PLAG1: variants seen among roughly 807,000 people sequenced by gnomAD.
PLAG1 encodes the protein PLAG1 zinc finger, also known as zinc finger protein PLAG1.
In PLAG1, 7 loss-of-function variants were observed where a neutral mutation model predicts 35.5. The ratio of observed to expected loss-of-function variants is 0.20; its 90% CI spans 0.11 to 0.37. The LOEUF (loss-of-function observed/expected upper bound fraction) is 0.37. PLAG1 is among the 10% of genes least tolerant of loss of function. The pLI is 1.00. For missense variants in PLAG1, 454 were observed against 602.8 expected, an observed-to-expected ratio of 0.75 and a Z score of 2.58; for synonymous variants, 229 against 225.4, an observed-to-expected ratio of 1.02 and a Z score of -0.14.
chr8:56,174,500 A>T (rs1008195435), intron 2 of PLAG1, among the ~76,000 whole-genome samples: 1 of 152,252 alleles, frequency 6.6e-6, no homozygotes, highest in African/African-American at 2.4e-5. Context: ...ATAAAAACCT[A>T]AGAATGAAAA....
intron 1 of PLAG1, among the ~76,000 whole-genome samples, chr8:56,198,327 A>G (rs1812443675): frequency 6.6e-6 from 1 of 152,172 alleles, no homozygotes; most frequent in South Asian, 2.1e-4. Context: ...GCAGGCACAG[A>G]GGGGTCACCA....
At chr8:56,175,811 T>A (rs1006007112) in intron 2 of PLAG1, among the ~76,000 whole-genome samples, 7 of 152,100 alleles carry the variant, frequency 4.6e-5, no homozygotes, top group African/African-American at 7.2e-5. Flanking sequence ...CAAAGTGGAA[T>A]CAGAAAACCC....
rs1310674614 is a variant in PLAG1 at position 56,162,981 on chromosome 8, T to C, written c.*3262A>G. On this transcript the variant is annotated 3_prime_UTR_variant, in exon 5 of 5. Transcript: ENST00000316981. ...CAGGACAATTGAAGTTTTAAAAAAC[T>C]GAACTTGGTAATAGGATTTTAAAAT... The C allele has an allele frequency of 4.7e-6, 1 of 211,198 alleles. No homozygotes were observed. The highest frequency in any genetic ancestry group is 9.6e-6 in the Non-Finnish European group (1 of 103,924). 13.1% of individuals were successfully genotyped at this position (211,198 alleles called of 1,614,324 possible).
chr8:56,182,062 G>GGT (rs1811885163), intron 1 of PLAG1, among the ~76,000 whole-genome samples: 3 of 152,190 alleles, frequency 2.0e-5, no homozygotes, highest in South Asian at 4.1e-4. Context: ...ATGCTGTACG[G>GGT]ATTCAGATGA....
At chr8:56,182,418 T>C (rs1052460186) in intron 1 of PLAG1, among the ~76,000 whole-genome samples, 2 of 152,154 alleles carry the variant, frequency 1.3e-5, no homozygotes, top group Non-Finnish European at 2.9e-5. Flanking sequence ...ATCACCTCTA[T>C]GAGGCAAAAT....
At chr8:56,185,240 C>T (rs1394034871) in intron 1 of PLAG1, among the ~76,000 whole-genome samples, 1 of 152,078 alleles carries the variant, frequency 6.6e-6, no homozygotes, top group Non-Finnish European at 1.5e-5. Context: ...CACAAAAGGC[C>T]ATGAGCAAAC....
chr8:56,207,536 G>A (rs1035857040), intron 1 of PLAG1, among the ~76,000 whole-genome samples: 26 of 152,006 alleles, frequency 1.7e-4, no homozygotes, highest in African/African-American at 5.5e-4. Flanking sequence ...ATAATATACA[G>A]ATATAGAATG....
chr8:56,203,850 A>G (rs1812627382), intron 1 of PLAG1, among the ~76,000 whole-genome samples: 2 of 152,052 alleles, frequency 1.3e-5, no homozygotes, highest in Non-Finnish European at 2.9e-5. Context: ...AATTTATACA[A>G]TTAAATTACC....
At chr8:56,198,581 G>A (rs1448946201) in intron 1 of PLAG1, among the ~76,000 whole-genome samples, 1 of 152,200 alleles carries the variant, frequency 6.6e-6, no homozygotes, top group Non-Finnish European at 1.5e-5. Flanking sequence ...ATGGCTTTCT[G>A]CCCGGTCCCC....
rs1044606559 is a variant in PLAG1, at chr8:56,188,305, C to T, written c.-321-8792G>A. ...GCAGGGAGGGGACAGGGATCTGATA[C>T]GGGAAAAAAAATGAATACTCAACTA... On this transcript the variant is annotated intron_variant, in intron 1 of 4. Transcript: ENST00000316981. Among the ~76,000 whole-genome samples, 5 of 152,030 alleles carry T rather than the reference C, an allele frequency of 3.3e-5. No individual in the cohort carries two copies. In the East Asian group the frequency reaches 5.8e-4, roughly 18 times the overall value.
At chr8:56,178,110 G>T in intron 2 of PLAG1, 1 of 490,510 alleles carries the variant, frequency 2.0e-6, no homozygotes, top group Non-Finnish European at 2.6e-6. Context: ...TTTAGAAATA[G>T]CCAGTGAAGT....
At position 56,166,441 on chromosome 8, in the gene PLAG1, T is replaced by G. The variant is rs780686291; in HGVS notation, c.1305A>C (p.Leu435=). 1.4e-5 allele frequency: 23 copies of G among 1,612,680 alleles called. No individual in the cohort carries two copies. Among genetic ancestry groups the G allele is most frequent in the Non-Finnish European group, 1.6e-5 (19 of 1,179,392 alleles). The change falls in exon 5 of 5, where the codon CTA becomes CTC. Residue 435 remains leucine (L), a synonymous_variant. Transcript: ENST00000316981. ...IPLNGPPYNP[L]SVGSLGMSYS... ...AGCTCATTCCAAGGCTCCCCACTGA[T>G]AGAGGATTATAGGGAGGACCATTTA...
chr8:56,181,899 C>T (rs980200201), intron 1 of PLAG1, among the ~76,000 whole-genome samples: 4 of 151,916 alleles, frequency 2.6e-5, no homozygotes, highest in Admixed American at 6.6e-5. Flanking sequence ...GTGATTTTTG[C>T]CTTAAAAAAT....
Position 56,163,546 on chromosome 8 carries a change from T to C in PLAG1, c.*2697A>G, listed in dbSNP as rs73594268. 0.029 allele frequency: 5,893 copies of C among 199,950 alleles called. 135 individuals carry two copies. The highest frequency in any genetic ancestry group is 0.068 in the African/African-American group (2,944 of 43,334). The allele number at this position is 199,950 out of a possible 1,614,324, so 12.4% of individuals were successfully genotyped here. A position where few individuals can be genotyped will look rare whatever the true frequency, so the allele number is the denominator to read the frequency against. On this transcript the variant is annotated 3_prime_UTR_variant, in exon 5 of 5. Transcript: ENST00000316981. The stretch of plus-strand genomic sequence containing the variant: ...TGAAGTGTTATTTCAAGTCTGGGGG[T>C]GGGAACAGGCAAAGAGGTGTACACA...
At chr8:56,179,595 A>C (rs184920025) in intron 1 of PLAG1, 82 bp from the exon 2 acceptor site, 39 of 161,808 alleles carry the variant, frequency 2.4e-4, no homozygotes, top group Non-Finnish European at 1.3e-5. Context: ...ACTGCTTTTA[A>C]TTCATTATCA....
rs1369554221 is a variant in PLAG1 at position 56,211,137 on chromosome 8, C to T, written c.-338G>A. 1.3e-5 allele frequency: 2 copies of T among 152,178 alleles called. No homozygotes were observed. The highest frequency in any genetic ancestry group is 6.6e-5 in the Admixed American group (1 of 15,196). The allele number at this position is 152,178 out of a possible 1,614,324, so 9.4% of individuals were successfully genotyped here. ...AGAACTCACCGCGGGGCTTTAACAT[C>T]CTCCCTCCGGCCCGTCCGCCGCCTC... On this transcript the variant is annotated 5_prime_UTR_variant, in exon 1 of 5. Transcript: ENST00000316981.
intron 3 of PLAG1, among the ~76,000 whole-genome samples, chr8:56,170,509 T>C (rs188440099): frequency 6.6e-6 from 1 of 152,228 alleles, no homozygotes; most frequent in South Asian, 2.1e-4. Flanking sequence ...TTTCCTAACC[T>C]GATACTTTTA....
Position 56,163,358 on chromosome 8 carries a change from T to C in PLAG1, c.*2885A>G, listed in dbSNP as rs1319573215. 1.0e-5 allele frequency: 2 copies of C among 196,100 alleles called. No homozygotes were observed. The highest frequency in any genetic ancestry group is 4.6e-5 in the African/African-American group (2 of 43,172). The allele number at this position is 196,100 out of a possible 1,614,324, so 12.1% of individuals were successfully genotyped here. ...AGTTGACATAGAAACAAACAATCTT[T>C]TTCTAGGGAAAAAAAAGCCAATTCT... is the stretch of plus-strand genomic sequence containing the variant. On this transcript the variant is annotated 3_prime_UTR_variant, in exon 5 of 5. Coordinates refer to ENST00000316981, the MANE Select transcript of PLAG1 (RefSeq NM_002655.3).
chr8:56,191,460 G>A (rs1812181477), intron 1 of PLAG1, among the ~76,000 whole-genome samples: 1 of 152,172 alleles, frequency 6.6e-6, no homozygotes. Flanking sequence ...AGACAATGAT[G>A]CGACTTTACA....
Sources: gnomAD v4.1 joint callset for allele counts (sites outside exome capture counted in the v4.1 genomes callset) on GRCh38, gnomAD v4.1.1 for gene constraint, MANE v1.5 for transcripts, NCBI Gene and HGNC (gene_info 2026-07-23, HGNC 2026-07-21) for gene names.